The following FGFR1 variants were observed in gnomAD, a reference collection of about 807,000 sequenced individuals.
FGFR1 encodes the protein FGFR1/PLAG1 fusion.
A neutral mutation model predicts 93.7 loss-of-function variants in FGFR1; 18 were observed. The observed-to-expected ratio is 0.19, with a 90% CI of 0.13 to 0.28. The LOEUF (loss-of-function observed/expected upper bound fraction) is 0.28. Ranked by LOEUF, FGFR1 falls within the 10% of genes least tolerant of loss-of-function variation. The pLI is 1.00. For synonymous variants in FGFR1, 448 were observed against 429.3 expected, an observed-to-expected ratio of 1.04 and a Z score of -0.54; for missense variants, 731 against 1,080.4, an observed-to-expected ratio of 0.68 and a Z score of 4.53.
chr8:38,414,739 G>T (rs145273148), intron 14 of FGFR1, 40 bp downstream of exon 14: 11 of 1,613,824 alleles, frequency 6.8e-6, no homozygotes, highest in Non-Finnish European at 9.3e-6. Flanking sequence ...TTGCTTCTCA[G>T]ATGAAACCAC....
intron 12 of FGFR1, 74 bp from the exon 13 acceptor site, chr8:38,416,134 AC>A: frequency 7.3e-7 from 1 of 1,368,668 alleles, no homozygotes; most frequent in Non-Finnish European, 1.0e-6. Context: ...AAGAAACCCC[AC>A]CCCCAGCAGC....
Position 38,429,221 on chromosome 8 carries a change from C to T in FGFR1, c.358+461G>A. The T allele has an allele frequency of 2.2e-6, 1 of 459,460 alleles. No individual in the cohort carries two copies. Among genetic ancestry groups the T allele is most frequent in the Non-Finnish European group, 4.4e-6 (1 of 229,228 alleles). 28.5% of individuals were successfully genotyped at this position (459,460 alleles called of 1,614,324 possible). A position where few individuals can be genotyped will look rare whatever the true frequency, so the allele number is the denominator to read the frequency against. ...CAGAGCTCCAGGGCTCCCTGGCTGC[C>T]CTCGCACAGCTCCCTTGCGGTGCAC... On this transcript the variant is annotated intron_variant, in intron 3 of 17. Coordinates refer to ENST00000447712, the MANE Select transcript of FGFR1 (RefSeq NM_023110.3). The surrounding 1 kb of genome is among the most constrained non-coding windows in gnomAD (Gnocchi z 4.4).
chr8:38,433,555 C>T (rs947411565), intron 2 of FGFR1, among the ~76,000 whole-genome samples: 2 of 152,164 alleles, frequency 1.3e-5, no homozygotes, highest in South Asian at 2.1e-4. Context: ...AGTGATCTGC[C>T]CGCCTCGGTC....
At chr8:38,463,448 A>G (rs2151451256) in intron 1 of FGFR1, 1 of 206,052 alleles carries the variant, frequency 4.9e-6, no homozygotes. Context: ...GTCATATTAT[A>G]TGATTGTTAT....
intron 3 of FGFR1, 58 bp from the exon 4 acceptor site, chr8:38,428,493 G>A (rs2150935392): frequency 7.2e-7 from 1 of 1,395,954 alleles, no homozygotes; most frequent in Non-Finnish European, 1.0e-6. Context: ...ATTTCACCAA[G>A]GCTAGTGCAG....
intron 1 of FGFR1, among the ~76,000 whole-genome samples, chr8:38,462,022 GCA>G (rs972670693): frequency 3.9e-5 from 6 of 152,106 alleles, no homozygotes; most frequent in Non-Finnish European, 7.4e-5. Context: ...AGTGGCCACT[GCA>G]CACTTGAAAT....
rs1820637400 is a variant in FGFR1, at chr8:38,426,014, A to C, written c.745+108T>G. 1 of 1,489,948 alleles carries C rather than the reference A, an allele frequency of 6.7e-7. No homozygotes were observed. Among genetic ancestry groups the C allele is most frequent in the Non-Finnish European group, 9.3e-7 (1 of 1,073,654 alleles). The allele number at this position is 1,489,948 out of a possible 1,614,324, so 92.3% of individuals were successfully genotyped here. On this transcript the variant is annotated intron_variant, in intron 6 of 17. Coordinates refer to ENST00000447712, the MANE Select transcript of FGFR1 (RefSeq NM_023110.3). The surrounding 1 kb of genome is among the most constrained non-coding windows in gnomAD (Gnocchi z 4.1). ...CAAGGTGACAAAGCCAAGAAGTGCC[A>C]ATCGCTATCCTGACTCTGCCCCTAA...
chr8:38,430,273 T>C, intron 2 of FGFR1: 1 of 325,648 alleles, frequency 3.1e-6, no homozygotes, highest in Non-Finnish European at 5.7e-6. Flanking sequence ...AGGTCGGCCC[T>C]CCCCAGGACT....
rs950632228 is a variant in FGFR1 at position 38,413,316 on chromosome 8, T to G, written c.*312A>C. ...AAGCTCTCACTTGCATGCCTGTTCA[T>G]TGGCTCCCACTCCCTGCCCTCCAGG... On this transcript the variant is annotated 3_prime_UTR_variant, in exon 18 of 18. Transcript: ENST00000447712. This position sits in a 1 kb window ranked among gnomAD's most constrained non-coding sequence, Gnocchi z 4.2. The G allele has an allele frequency of 8.8e-6, 4 of 452,230 alleles. No homozygotes were observed. The highest frequency in any genetic ancestry group is 3.9e-5 in the African/African-American group (2 of 51,228). The allele number at this position is 452,230 out of a possible 1,614,324, so 28.0% of individuals were successfully genotyped here.
rs2150629490 is a variant in FGFR1 at position 38,417,385 on chromosome 8, C to G, written c.1584G>C (p.Leu528=). 4 of 1,614,072 alleles carry G rather than the reference C, an allele frequency of 2.5e-6. No individual in the cohort carries two copies. The highest frequency in any genetic ancestry group is 3.4e-6 in the Non-Finnish European group (4 of 1,180,038). The part of the protein sequence containing the change: ...SDATEKDLSD[L]ISEMEMMKMI... ...TCTTCATCATCTCCATTTCTGAGAT[C>G]AGGTCTGACAAGTCTTTCTCTGTTG... Residue 528 remains leucine, a synonymous_variant, in exon 12 of 18, where the codon CTG becomes CTC. Coordinates refer to ENST00000447712, the MANE Select transcript of FGFR1 (RefSeq NM_023110.3).
At chr8:38,462,902 CTTT>C (rs11364295) in intron 1 of FGFR1, among the ~76,000 whole-genome samples, 19 of 114,796 alleles carry the variant, frequency 1.7e-4, no homozygotes, top group South Asian at 8.8e-4. Flanking sequence ...CTGTGCCTGG[CTTT>C]TTTTTTTTTT....
At position 38,429,708 on chromosome 8, in the gene FGFR1, G is replaced by C. The variant is rs775020833; in HGVS notation, c.332C>G (p.Thr111Ser). 6.4e-7 allele frequency: 1 copy of C among 1,572,626 alleles called. No homozygotes were observed. The highest frequency in any genetic ancestry group is 8.6e-7 in the Non-Finnish European group (1 of 1,158,606). The stretch of plus-strand genomic sequence containing the variant: ...TGAAACATTGACGGAGAAGTAGGTG[G>C]TGTCACTGCCCGAGGGGCTGCTGGT... ...CVTSSPSGSDTTYFSVNVSDA... is the reference protein window; with the variant it reads ...CVTSSPSGSDSTYFSVNVSDA... Residue 111 changes from threonine to serine, a missense_variant, in exon 3 of 18, where the codon ACC (threonine) becomes AGC (serine). By Grantham distance (58) the Thr-to-Ser change is moderately conservative. This residue lies in a region of FGFR1 where 212 missense variants were observed against 205.8 expected (regional missense o/e 1.03). Coordinates refer to ENST00000447712, the MANE Select transcript of FGFR1 (RefSeq NM_023110.3). The surrounding 1 kb of genome is among the most constrained non-coding windows in gnomAD (Gnocchi z 4.4).
intron 2 of FGFR1, among the ~76,000 whole-genome samples, chr8:38,451,986 A>C (rs2151274810): frequency 6.6e-6 from 1 of 152,258 alleles, no homozygotes; most frequent in South Asian, 2.1e-4. Flanking sequence ...CTGATCTGAA[A>C]CAAGCTGAGG....
At chr8:38,420,667 C>T (rs187636015) in intron 8 of FGFR1, among the ~76,000 whole-genome samples, 18 of 152,204 alleles carry the variant, frequency 1.2e-4, no homozygotes, top group Non-Finnish European at 2.6e-4. Flanking sequence ...ACACGCTTTG[C>T]CCCACGGGTG....
In FGFR1 at chr8:38,428,805, A is replaced by G. The variant is rs17182282; in HGVS notation, c.359-370T>C. The G allele has an allele frequency of 6.8e-3, 2,419 of 354,900 alleles. 64 individuals are homozygous for G. The highest frequency in any genetic ancestry group is 0.048 in the African/African-American group (2,272 of 47,380). 22.0% of individuals were successfully genotyped at this position (354,900 alleles called of 1,614,324 possible). On this transcript the variant is annotated intron_variant, in intron 3 of 17. Coordinates refer to ENST00000447712, the MANE Select transcript of FGFR1 (RefSeq NM_023110.3). ...TCTTTGGACGGCTGACTATAGGGAAACCCAGGCAGGTCTAGACACACTGTG... is the reference window on the plus strand; with the variant it reads ...TCTTTGGACGGCTGACTATAGGGAAGCCCAGGCAGGTCTAGACACACTGTG...
intron 1 of FGFR1, chr8:38,466,409 C>A: frequency 4.3e-6 from 1 of 231,734 alleles, no homozygotes; most frequent in South Asian, 1.8e-4. Flanking sequence ...TCTGGCCAGA[C>A]GCACAGCCAA....
Position 38,414,474 on chromosome 8 carries a change from C to T in FGFR1, c.2048+85G>A. 26 of 1,553,468 alleles carry T rather than the reference C, an allele frequency of 1.7e-5. 1 individual carries two copies. In the South Asian group the frequency reaches 1.8e-4, roughly 11 times the overall value. Reference sequence around the variant, plus strand: ...TTCTCTCTGGGGCAGAAAGAGGACTCCTCAGTCCAGGGAGAAAGCAGGACT... The same window carrying T: ...TTCTCTCTGGGGCAGAAAGAGGACTTCTCAGTCCAGGGAGAAAGCAGGACT... On this transcript the variant is annotated intron_variant, in intron 15 of 17. Coordinates refer to ENST00000447712, the MANE Select transcript of FGFR1 (RefSeq NM_023110.3).
rs776590352 is a variant in FGFR1, at chr8:38,414,760, C to G, written c.1977+19G>C. 6.2e-7 allele frequency: 1 copy of G among 1,613,934 alleles called. No individual in the cohort carries two copies. On this transcript the variant is annotated intron_variant, in intron 14 of 17. Transcript: ENST00000447712. The stretch of plus-strand genomic sequence containing the variant: ...CTCAGATGAAACCACCAGCACAGGG[C>G]GGCCTTGTCGGCACTCACGTTGGTT...
intron 9 of FGFR1, 38 bp downstream of exon 9, chr8:38,419,495 G>C (rs1262855072): frequency 4.5e-6 from 7 of 1,562,580 alleles, no homozygotes; most frequent in Non-Finnish European, 5.3e-6. Context: ...CCCAGAGAGA[G>C]AGGTGGTGCT....
Sources: gnomAD v4.1 joint callset for allele counts (sites outside exome capture counted in the v4.1 genomes callset) on GRCh38, gnomAD v4.1.1 for gene constraint, gnomAD v4.1.1 regional missense constraint, Gnocchi (gnomAD v3.1) non-coding constraint, MANE v1.5 for transcripts, NCBI Gene and HGNC (gene_info 2026-07-23, HGNC 2026-07-21) for gene names.